The following CYRIA variants were observed in gnomAD, a reference collection of about 807,000 sequenced individuals.
CYRIA encodes CYFIP-related Rac1 interactor A.
In CYRIA, 15 loss-of-function variants were observed where a neutral mutation model predicts 43.9. The ratio of observed to expected loss-of-function variants is 0.34; its 90% CI spans 0.23 to 0.53. The LOEUF (loss-of-function observed/expected upper bound fraction) is 0.53. CYRIA is among the 20% of genes least tolerant of loss of function. CYRIA has a pLI of 0.94. For synonymous variants in CYRIA, 117 were observed against 136.0 expected (o/e 0.86, Z 0.97); for missense variants, 236 against 394.2 (o/e 0.60, Z 3.40).
intron 1 of CYRIA, among the ~76,000 whole-genome samples, chr2:16,665,567 C>T (rs901965613): frequency 3.3e-5 from 5 of 152,018 alleles, no homozygotes; most frequent in Non-Finnish European, 7.4e-5. Flanking sequence ...CAAAGCCGGA[C>T]CTCTGTCCGG....
intron 4 of CYRIA, 136 bp from the exon 5 acceptor site, chr2:16,564,230 C>T (rs545363571): frequency 3.7e-4 from 220 of 598,324 alleles, no homozygotes; most frequent in East Asian, 7.6e-4. Flanking sequence ...ACCGGTTCAT[C>T]GGATGGTCCT....
chr2:16,598,671 G>A (rs1372682912), intron 2 of CYRIA, among the ~76,000 whole-genome samples: 1 of 89,772 alleles, frequency 1.1e-5, no homozygotes, highest in Non-Finnish European at 2.0e-5. Context: ...TTTGCCTTTG[G>A]TTTGAATGTC....
At chr2:16,623,479 T>G (rs1479650365) in intron 2 of CYRIA, among the ~76,000 whole-genome samples, 3 of 152,194 alleles carry the variant, frequency 2.0e-5, no homozygotes, top group Non-Finnish European at 4.4e-5. Context: ...GGGATGCAAG[T>G]CCGTTCTCTG....
At chr2:16,588,744 G>A (rs771833514) in intron 2 of CYRIA, among the ~76,000 whole-genome samples, 4 of 152,082 alleles carry the variant, frequency 2.6e-5, no homozygotes, top group African/African-American at 7.2e-5. Context: ...TGTATAAGAG[G>A]CCAGATTTCT....
chr2:16,580,783 T>C (rs1667524791), intron 3 of CYRIA, among the ~76,000 whole-genome samples: 1 of 152,196 alleles, frequency 6.6e-6, no homozygotes, highest in South Asian at 2.1e-4. Context: ...GGTAGATCAA[T>C]AGAGTAATCA....
chr2:16,643,259 C>T (rs1035713376), intron 1 of CYRIA, among the ~76,000 whole-genome samples: 5 of 152,096 alleles, frequency 3.3e-5, no homozygotes, highest in East Asian at 1.9e-4. Context: ...TCACTTTAGT[C>T]GTTCATCCTT....
At chr2:16,632,105 G>A (rs1033199022) in intron 1 of CYRIA, among the ~76,000 whole-genome samples, 6 of 152,220 alleles carry the variant, frequency 3.9e-5, no homozygotes, top group Admixed American at 6.5e-5. Context: ...CCATAAGGCC[G>A]GCTAGGAGGC....
intron 1 of CYRIA, among the ~76,000 whole-genome samples, chr2:16,660,573 A>AT (rs1184101557): frequency 5.9e-5 from 9 of 152,176 alleles, no homozygotes; most frequent in Non-Finnish European, 1.0e-4. Context: ...GTAATGTCAT[A>AT]TTGATCACTG....
intron 1 of CYRIA, among the ~76,000 whole-genome samples, chr2:16,653,595 T>C (rs907791152): frequency 1.4e-5 from 2 of 147,222 alleles, no homozygotes; most frequent in African/African-American, 5.4e-5. Flanking sequence ...AAATATAAGC[T>C]CCATGGGTTA....
chr2:16,577,755 G>A (rs549962777), intron 3 of CYRIA, among the ~76,000 whole-genome samples: 5 of 152,320 alleles, frequency 3.3e-5, no homozygotes, highest in Admixed American at 1.3e-4. Context: ...CCTTCACCAA[G>A]TGCTAACAAA....
At chr2:16,634,414 C>T (rs923998014) in intron 1 of CYRIA, among the ~76,000 whole-genome samples, 2 of 152,218 alleles carry the variant, frequency 1.3e-5, no homozygotes, top group African/African-American at 4.8e-5. Flanking sequence ...TAAGTAACAG[C>T]ATCTAGTCCC....
chr2:16,581,410 C>T (rs1667545322), intron 3 of CYRIA, among the ~76,000 whole-genome samples: 1 of 152,176 alleles, frequency 6.6e-6, no homozygotes, highest in South Asian at 2.1e-4. Flanking sequence ...TACCCCACCA[C>T]TGCTAGAACA....
At chr2:16,612,810 C>G (rs561558351) in intron 2 of CYRIA, among the ~76,000 whole-genome samples, 1 of 152,194 alleles carries the variant, frequency 6.6e-6, no homozygotes, top group Non-Finnish European at 1.5e-5. Context: ...GACTCTGTCC[C>G]CACCCAAAAT....
chr2:16,636,577 T>C (rs1166801532), intron 1 of CYRIA, among the ~76,000 whole-genome samples: 1 of 152,124 alleles, frequency 6.6e-6, no homozygotes, highest in Non-Finnish European at 1.5e-5. Context: ...AATGCAGCTT[T>C]CTTGGTGTCC....
At chr2:16,631,443 T>C (rs1303609757) in intron 1 of CYRIA, among the ~76,000 whole-genome samples, 1 of 152,230 alleles carries the variant, frequency 6.6e-6, no homozygotes, top group Non-Finnish European at 1.5e-5. Context: ...TGGAGGACTT[T>C]ACACATACTG....
In CYRIA at chr2:16,652,005, T is replaced by C. The variant is rs79518472; in HGVS notation, c.-167+13775A>G. Among the ~76,000 whole-genome samples, 877 of 152,106 alleles carry C rather than the reference T, an allele frequency of 5.8e-3. 7 individuals are homozygous for C. Among genetic ancestry groups the C allele is most frequent in the African/African-American group, 0.02 (839 of 41,478 alleles). ...AATAAGGAAAAGGCAAGTCTTTGCT[T>C]TTTCCCTTTTTAATATTTTTAAGCA... On this transcript the variant is annotated intron_variant, in intron 1 of 11. Transcript: ENST00000381323.
intron 3 of CYRIA, among the ~76,000 whole-genome samples, chr2:16,585,900 A>T (rs1667713857): frequency 6.6e-6 from 1 of 152,094 alleles, no homozygotes; most frequent in African/African-American, 2.4e-5. Flanking sequence ...ACCAGTTTTA[A>T]ATCCCTGCAA....
Position 16,614,558 on chromosome 2 carries a change from C to A in CYRIA, c.-11+9306G>T, listed in dbSNP as rs114233307. Reference sequence around the variant, plus strand: ...TTTCACCCTCTGGAGAGCCTGCAAGCCTCCCAGACAGATCAAGCACTGTTT... The same window carrying A: ...TTTCACCCTCTGGAGAGCCTGCAAGACTCCCAGACAGATCAAGCACTGTTT... On this transcript the variant is annotated intron_variant, in intron 2 of 11. Coordinates refer to ENST00000381323, the MANE Select transcript of CYRIA (RefSeq NM_030797.4). Among the ~76,000 whole-genome samples the A allele has an allele frequency of 2.9e-3, 437 of 152,334 alleles. 5 individuals are homozygous for A. The highest frequency in any genetic ancestry group is 4.6e-3 in the Non-Finnish European group (314 of 68,042).
intron 10 of CYRIA, among the ~76,000 whole-genome samples, chr2:16,555,890 C>T (rs1666490126): frequency 6.6e-6 from 1 of 152,116 alleles, no homozygotes; most frequent in Non-Finnish European, 1.5e-5. Flanking sequence ...TGCTAAATGC[C>T]TGAGTTTCCT....
Sources: gnomAD v4.1 joint callset for allele counts (sites outside exome capture counted in the v4.1 genomes callset) on GRCh38, gnomAD v4.1.1 for gene constraint, MANE v1.5 for transcripts, NCBI Gene and HGNC (gene_info 2026-07-23, HGNC 2026-07-21) for gene names.